The following ATP10A variants were observed in gnomAD, a reference collection of about 807,000 sequenced individuals.
ATP10A encodes ATPase phospholipid transporting 10A (putative), also known as phospholipid-transporting ATPase VA.
In ATP10A, 111 loss-of-function variants were observed where a neutral mutation model predicts 147.8. The ratio of observed to expected loss-of-function variants is 0.75; its 90% CI spans 0.64 to 0.88. The LOEUF (loss-of-function observed/expected upper bound fraction) is 0.88. Among genes scored for constraint, ATP10A ranks in the 40% least tolerant of loss-of-function variants. ATP10A has a pLI of 0.00. For synonymous variants in ATP10A, 875 were observed against 841.6 expected (o/e 1.04, Z -0.69); for missense variants, 1,927 against 1,959.0 (o/e 0.98, Z 0.31).
At chr15:25,798,875 C>T (rs893149173) in intron 1 of ATP10A, among the ~76,000 whole-genome samples, 3 of 151,498 alleles carry the variant, frequency 2.0e-5, no homozygotes, top group Non-Finnish European at 4.4e-5. Flanking sequence ...TCCACCAGCC[C>T]GGTACAGGGA....
chr15:25,822,355 T>A (rs1891927937), intron 1 of ATP10A, among the ~76,000 whole-genome samples: 1 of 152,168 alleles, frequency 6.6e-6, no homozygotes. Flanking sequence ...ATAACCTATG[T>A]TTTTTCAGCA....
rs114930132 is a variant in ATP10A, at chr15:25,701,952, G to A, written c.2724C>T (p.His908=). ...NIAYACKLLD[H]DEEVITLNAT... ...CATTCAGGGTGATGACCTCCTCGTC[G>A]TGGTCCAGCAGTTTGCAGGCATATG... Residue 908 remains histidine, a synonymous_variant, in exon 13 of 21, where the codon CAC becomes CAT. Coordinates refer to ENST00000555815, the MANE Select transcript of ATP10A (RefSeq NM_024490.4). 3.7e-4 allele frequency: 601 copies of A among 1,612,100 alleles called. No homozygotes were observed. The African/African-American group carries it at 3.9e-3, about 10-fold the overall frequency.
At chr15:25,830,102 G>A (rs1474237859) in intron 1 of ATP10A, among the ~76,000 whole-genome samples, 1 of 152,086 alleles carries the variant, frequency 6.6e-6, no homozygotes, top group East Asian at 1.9e-4. Flanking sequence ...CAGGTCCAAG[G>A]CCTCAGCCAG....
rs568243841 is a variant in ATP10A at position 25,739,519 on chromosome 15, C to T, written c.655-3378G>A. Reference sequence around the variant, plus strand: ...CCGGGGTCTCTGTTGCCCTATAAGTCCACAATCCTGTAGGATGCAGAGATG... The same window carrying T: ...CCGGGGTCTCTGTTGCCCTATAAGTTCACAATCCTGTAGGATGCAGAGATG... On this transcript the variant is annotated intron_variant, in intron 2 of 20. Transcript: ENST00000555815. Among the ~76,000 whole-genome samples, 27 of 152,230 alleles carry T rather than the reference C, an allele frequency of 1.8e-4. No individual in the cohort carries two copies. In the South Asian group the frequency reaches 5.4e-3, roughly 30 times the overall value.
chr15:25,844,285 C>T lies in ATP10A; in HGVS notation c.449+18363G>A, dbSNP rs144204481. Reference sequence around the variant, plus strand: ...GGAACAGGTGGTGCGTTTCTCTCCACGGCACGTCTTTGCCAGCTGGAGCCT... The same window carrying T: ...GGAACAGGTGGTGCGTTTCTCTCCATGGCACGTCTTTGCCAGCTGGAGCCT... On this transcript the variant is annotated intron_variant, in intron 1 of 20. Transcript: ENST00000555815. 6.6e-5 allele frequency among the ~76,000 whole-genome samples: 10 copies of T among 152,250 alleles called. No individual in the cohort carries two copies. The East Asian group carries it at 1.4e-3, about 21-fold the overall frequency.
At chr15:25,782,381 T>C (rs1437640435) in intron 1 of ATP10A, among the ~76,000 whole-genome samples, 1 of 152,244 alleles carries the variant, frequency 6.6e-6, no homozygotes, top group Non-Finnish European at 1.5e-5. Context: ...TGTCACTGAA[T>C]GGTACACTTA....
intron 15 of ATP10A, 160 bp from the exon 16 acceptor site, chr15:25,687,988 C>T (rs780025630): frequency 2.3e-6 from 2 of 873,942 alleles, no homozygotes; most frequent in South Asian, 2.9e-5. Flanking sequence ...TCGTCTCCCT[C>T]AGCATCTCCT....
rs376086436 is a variant in ATP10A at position 25,711,344 on chromosome 15, C to T, written c.2344+2330G>A. 1.6e-3 allele frequency among the ~76,000 whole-genome samples: 249 copies of T among 152,216 alleles called. 1 individual carries two copies. The highest frequency in any genetic ancestry group is 2.0e-3 in the Non-Finnish European group (139 of 68,004). The stretch of plus-strand genomic sequence containing the variant: ...AGTAAGTTGATTTACACAGGCAGAG[C>T]GATTCCCAGGCACAGTGAGCCCTCT... On this transcript the variant is annotated intron_variant, in intron 10 of 20. Coordinates refer to ENST00000555815, the MANE Select transcript of ATP10A (RefSeq NM_024490.4).
At chr15:25,734,376 C>T (rs4627308) in intron 3 of ATP10A, among the ~76,000 whole-genome samples, 52,324 of 152,068 alleles carry the variant, frequency 0.34, 9,269 homozygotes, top group Non-Finnish European at 0.39. Context: ...GAGTTGGCAC[C>T]GTAAAATTAT....
At chr15:25,772,758 C>A (rs573744700) in intron 2 of ATP10A, among the ~76,000 whole-genome samples, 66 of 152,306 alleles carry the variant, frequency 4.3e-4, no homozygotes, top group Admixed American at 1.4e-3. Context: ...CCCAATCCCC[C>A]ACTCTCCGGA....
At chr15:25,787,606 C>A (rs1890227214) in intron 1 of ATP10A, among the ~76,000 whole-genome samples, 1 of 103,502 alleles carries the variant, frequency 9.7e-6, no homozygotes. Context: ...GGCAGGACTC[C>A]TTCTTAAAAA....
At chr15:25,705,700 G>T (rs1468197523) in intron 12 of ATP10A, among the ~76,000 whole-genome samples, 1 of 152,184 alleles carries the variant, frequency 6.6e-6, no homozygotes, top group East Asian at 1.9e-4. Context: ...GTCTGTGGGA[G>T]GAAGGTCGAT....
At chr15:25,844,517 A>T (rs1892934165) in intron 1 of ATP10A, among the ~76,000 whole-genome samples, 1 of 152,242 alleles carries the variant, frequency 6.6e-6, no homozygotes, top group African/African-American at 2.4e-5. Flanking sequence ...AAACCAAATA[A>T]TTGAAATTGT....
At chr15:25,837,371 G>T (rs1163174560) in intron 1 of ATP10A, among the ~76,000 whole-genome samples, 1 of 152,208 alleles carries the variant, frequency 6.6e-6, no homozygotes, top group Non-Finnish European at 1.5e-5. Context: ...CATTTGCAAC[G>T]ATGTGGATGA....
At position 25,708,166 on chromosome 15, in the gene ATP10A, C is replaced by T. The variant is rs774842075; in HGVS notation, c.2448+31G>A. 9.9e-6 allele frequency: 16 copies of T among 1,613,762 alleles called. No homozygotes were observed. The African/African-American group carries it at 1.6e-4, about 16-fold the overall frequency. On this transcript the variant is annotated intron_variant, in intron 11 of 20. Coordinates refer to ENST00000555815, the MANE Select transcript of ATP10A (RefSeq NM_024490.4). Reference sequence around the variant, plus strand: ...GCTCACTGTGGGGCGGCCACCTGCACGTGCACCCTCGCGGAGACACCCCCA... The same window carrying T: ...GCTCACTGTGGGGCGGCCACCTGCATGTGCACCCTCGCGGAGACACCCCCA...
chr15:25,786,810 T>G (rs71463466), intron 1 of ATP10A, among the ~76,000 whole-genome samples: 1 of 144,976 alleles, frequency 6.9e-6, no homozygotes, highest in Non-Finnish European at 1.5e-5. Flanking sequence ...TTTTTTTTTG[T>G]ATTTTTAGTA....
intron 2 of ATP10A, among the ~76,000 whole-genome samples, chr15:25,741,345 C>T (rs570312428): frequency 8.5e-5 from 13 of 152,232 alleles, no homozygotes; most frequent in African/African-American, 2.9e-4. Flanking sequence ...CCCTGCCTGC[C>T]GCACCATCTC....
At chr15:25,815,039 G>A (rs943210435) in intron 1 of ATP10A, among the ~76,000 whole-genome samples, 1 of 152,112 alleles carries the variant, frequency 6.6e-6, no homozygotes, top group African/African-American at 2.4e-5. Context: ...TAAGGAAAAA[G>A]ATGCCCAACA....
chr15:25,846,676 C>T (rs1893037697), intron 1 of ATP10A, among the ~76,000 whole-genome samples: 1 of 152,166 alleles, frequency 6.6e-6, no homozygotes, highest in South Asian at 2.1e-4. Context: ...GTGCCTGACA[C>T]GTGCAATGTT....
Sources: allele counts gnomAD v4.1 joint callset (sites outside exome capture counted in the v4.1 genomes callset), GRCh38; gene constraint gnomAD v4.1.1; transcripts MANE v1.5; gene names NCBI Gene and HGNC (gene_info 2026-07-23, HGNC 2026-07-21).